The following DST variants were observed in gnomAD, a reference collection of about 807,000 sequenced individuals.
The protein encoded by DST is dystonin.
A neutral mutation model predicts 875.2 loss-of-function variants in DST; 253 were observed. The ratio of observed to expected loss-of-function variants is 0.29; its 90% CI spans 0.26 to 0.32. The LOEUF (loss-of-function observed/expected upper bound fraction) is 0.32. Ranked by LOEUF, DST falls within the 10% of genes least tolerant of loss-of-function variation. The pLI, the probability that DST is intolerant of heterozygous loss-of-function variation, is 1.00. For synonymous variants in DST, 3,124 were observed against 3,197.1 expected, an observed-to-expected ratio of 0.98 and a Z score of 0.77; for missense variants, 8,287 against 9,111.6, an observed-to-expected ratio of 0.91 and a Z score of 3.68.
intron 72 of DST, among the ~76,000 whole-genome samples, chr6:56,511,613 T>C (rs1277033694): frequency 6.6e-6 from 1 of 152,190 alleles, no homozygotes; most frequent in Non-Finnish European, 1.5e-5. Context: ...CCAAAGACCC[T>C]TTAGGGTACA....
At chr6:56,614,664 A>G in intron 36 of DST, 180 bp from the exon 37 acceptor site, 1 of 1,230,218 alleles carries the variant, frequency 8.1e-7, no homozygotes, top group Non-Finnish European at 1.0e-6. Context: ...CACCTCCAAA[A>G]TGTTTATGGT....
At chr6:56,873,526 T>G (rs190784939) in intron 3 of DST, among the ~76,000 whole-genome samples, 1 of 152,310 alleles carries the variant, frequency 6.6e-6, no homozygotes, top group East Asian at 1.9e-4. Context: ...AGGAATATTA[T>G]TCAGTCATAA....
At chr6:56,631,453 C>G in intron 29 of DST, 64 bp from the exon 30 acceptor site, 1 of 1,363,102 alleles carries the variant, frequency 7.3e-7, no homozygotes, top group East Asian at 2.3e-5. Context: ...TTTTCTTAAA[C>G]TAGTTGAAAA....
Position 56,634,612 on chromosome 6 carries a change from G to T in DST, c.3344C>A (p.Thr1115Asn). The T allele has an allele frequency of 6.2e-7, 1 of 1,614,126 alleles. No homozygotes were observed. The highest frequency in any genetic ancestry group is 1.1e-5 in the South Asian group (1 of 91,080). The part of the protein sequence containing the change: ...AICDYRQIEI[T>N]IYKDDECVLA... ...AACACATTCATCGTCTTTGTAAATG[G>T]TTATCTGGTTTAAAATAAAGAGCAG... The change falls in exon 26 of 104, where the codon ACC becomes AAC. Residue 1115 changes from threonine to asparagine, a missense_variant. By Grantham distance (65) the Thr-to-Asn change is moderately conservative (BLOSUM62 0). This residue lies in a region of DST where 1,160 missense variants were observed against 1,424.3 expected (regional missense o/e 0.81). Coordinates refer to ENST00000680361, the MANE Select transcript of DST (RefSeq NM_001374736.1).
intron 10 of DST, among the ~76,000 whole-genome samples, chr6:56,657,101 C>T (rs1343488827): frequency 6.6e-6 from 1 of 152,032 alleles, no homozygotes; most frequent in East Asian, 1.9e-4. Context: ...ATGTTAAAAA[C>T]CCTTCTTTCT....
intron 46 of DST, 78 bp from the exon 47 acceptor site, chr6:56,598,084 T>G: frequency 7.6e-7 from 1 of 1,312,474 alleles, no homozygotes; most frequent in Non-Finnish European, 1.0e-6. Flanking sequence ...AAGTAAATAC[T>G]TAGAACATTT....
intron 47 of DST, 145 bp downstream of exon 47, chr6:56,597,595 A>G: frequency 1.3e-6 from 1 of 753,568 alleles, no homozygotes; most frequent in Non-Finnish European, 2.0e-6. Flanking sequence ...TAGAACTCTC[A>G]TAATAATTTA....
intron 10 of DST, among the ~76,000 whole-genome samples, chr6:56,658,066 G>A (rs2099019456): frequency 6.7e-6 from 1 of 150,360 alleles, no homozygotes; most frequent in Non-Finnish European, 1.5e-5. Flanking sequence ...GCGCCTGGCC[G>A]TAATTCTTTT....
intron 78 of DST, among the ~76,000 whole-genome samples, chr6:56,502,211 TTC>T (rs1329211573): frequency 1.3e-5 from 2 of 152,138 alleles, no homozygotes; most frequent in Non-Finnish European, 2.9e-5. Flanking sequence ...CAGAATGCTA[TTC>T]TCTCTCCTTC....
At position 56,552,601 on chromosome 6, in the gene DST, C is replaced by G; in HGVS notation, c.16191G>C (p.Gln5397His). The G allele has an allele frequency of 6.2e-7, 1 of 1,613,954 alleles. No homozygotes were observed. The highest frequency in any genetic ancestry group is 2.2e-5 in the East Asian group (1 of 44,884). Residue 5397 changes from glutamine (Q) to histidine (H), a missense_variant, in exon 61 of 104, where the codon CAG (glutamine) becomes CAC (histidine). This residue lies in a region of DST where 1,513 missense variants were observed against 1,677.8 expected (regional missense o/e 0.90). Transcript: ENST00000680361. ...CCAGTTCATCATCAAACTCTGCGAACTGAGAAAACATTTCTCGAATGGTAT... is the reference window on the plus strand; with the variant it reads ...CCAGTTCATCATCAAACTCTGCGAAGTGAGAAAACATTTCTCGAATGGTAT... ...FQNTIREMFS[Q>H]FAEFDDELDS...
intron 47 of DST, among the ~76,000 whole-genome samples, chr6:56,595,053 TC>T (rs2098346916): frequency 6.6e-6 from 1 of 152,148 alleles, no homozygotes; most frequent in Non-Finnish European, 1.5e-5. Flanking sequence ...AGCATCTTCT[TC>T]CATTCACCCC....
intron 3 of DST, among the ~76,000 whole-genome samples, chr6:56,852,284 AAT>A (rs1446816227): frequency 6.6e-6 from 1 of 152,248 alleles, no homozygotes; most frequent in Admixed American, 6.5e-5. Context: ...TGGCAGCACC[AAT>A]AAACAAACAT....
intron 54 of DST, 93 bp downstream of exon 54, chr6:56,569,763 A>T: frequency 8.7e-7 from 1 of 1,149,700 alleles, no homozygotes; most frequent in Non-Finnish European, 1.3e-6. Flanking sequence ...GATAAAACTT[A>T]GATGATATTA....
rs2095443093 is a variant in DST, at chr6:56,482,835, C to T, written c.21250G>A (p.Ala7084Thr). 1 of 1,607,998 alleles carries T rather than the reference C, an allele frequency of 6.2e-7. No individual in the cohort carries two copies. The highest frequency in any genetic ancestry group is 1.3e-5 in the African/African-American group (1 of 74,842). ...ELGKRTSSVQ[A>T]LKRSARELIE... is the part of the protein sequence containing the mutation. ...AGTTCTCGGGCTGAGCGCTTCAGGG[C>T]CTGCACACTGCTGGTCCTCTTCCCC... The change falls in exon 89 of 104, where the codon GCC becomes ACC. Residue 7084 changes from alanine to threonine, a missense_variant. Physicochemically the swap from Ala to Thr is moderately conservative, Grantham distance 58. This residue lies in a region of DST where 1,292 missense variants were observed against 1,552.7 expected (regional missense o/e 0.83). Coordinates refer to ENST00000680361, the MANE Select transcript of DST (RefSeq NM_001374736.1).
intron 15 of DST, 74 bp from the exon 16 acceptor site, chr6:56,642,577 G>C (rs758737017): frequency 6.2e-7 from 1 of 1,611,462 alleles, no homozygotes; most frequent in East Asian, 2.2e-5. Flanking sequence ...GAAAAGTGCT[G>C]CCCATCAAAA....
intron 49 of DST, among the ~76,000 whole-genome samples, chr6:56,580,417 G>C (rs1027145960): frequency 2.0e-5 from 3 of 152,010 alleles, no homozygotes; most frequent in African/African-American, 7.3e-5. Context: ...GGGCACGGTA[G>C]TCTGTGCCTG....
At chr6:56,862,954 A>C (rs1772038273) in intron 3 of DST, 1 of 152,280 alleles carries the variant, frequency 6.6e-6, no homozygotes, top group Non-Finnish European at 1.5e-5. Flanking sequence ...AGGAGAGCTC[A>C]AGATGATGAG....
intron 2 of DST, among the ~76,000 whole-genome samples, chr6:56,946,215 C>G (rs1819419916): frequency 6.6e-6 from 1 of 152,088 alleles, no homozygotes; most frequent in East Asian, 1.9e-4. Context: ...AAGGAAATAT[C>G]AAGAAGGAAT....
intron 47 of DST, among the ~76,000 whole-genome samples, chr6:56,597,014 C>T (rs758901339): frequency 5.3e-5 from 8 of 152,004 alleles, no homozygotes; most frequent in Non-Finnish European, 8.8e-5. Context: ...AGGATGTGGG[C>T]GGAATGCTTG....
Sources: gnomAD v4.1 joint callset for allele counts (sites outside exome capture counted in the v4.1 genomes callset) on GRCh38, gnomAD v4.1.1 for gene constraint, gnomAD v4.1.1 regional missense constraint, MANE v1.5 for transcripts, NCBI Gene and HGNC (gene_info 2026-07-23, HGNC 2026-07-21) for gene names.